NPAS3: variants seen among roughly 807,000 people sequenced by gnomAD.
NPAS3 encodes the protein neuronal PAS domain-containing protein 3.
Under a neutral mutation model 73.1 loss-of-function variants are expected in NPAS3, and 14 were observed. The observed-to-expected ratio is 0.19, with a 90% CI of 0.13 to 0.30. NPAS3 has a LOEUF of 0.30. Among genes scored for constraint, NPAS3 ranks in the 10% least tolerant of loss-of-function variants. NPAS3 has a pLI of 1.00. For missense variants in NPAS3, 1,096 were observed against 1,250.0 expected (o/e 0.88, Z 1.86); for synonymous variants, 620 against 541.5 (o/e 1.14, Z -2.01).
chr14:33,643,373 AT>A (rs150618153), intron 5 of NPAS3, among the ~76,000 whole-genome samples: 2 of 99,872 alleles, frequency 2.0e-5, no homozygotes, highest in African/African-American at 3.7e-5. Context: ...AGAAATAAAA[AT>A]TAAAAAAAAA....
At chr14:33,546,082 T>C (rs1177510402) in intron 4 of NPAS3, among the ~76,000 whole-genome samples, 1 of 152,114 alleles carries the variant, frequency 6.6e-6, no homozygotes, top group Non-Finnish European at 1.5e-5. Flanking sequence ...CTGCCACACC[T>C]CTTAGTGAGG....
intron 3 of NPAS3, among the ~76,000 whole-genome samples, chr14:33,226,951 T>C (rs2047659136): frequency 6.6e-6 from 1 of 152,220 alleles, no homozygotes; most frequent in Non-Finnish European, 1.5e-5. Context: ...TCTATAAAAA[T>C]AGATGAATAC....
At chr14:33,080,742 T>C (rs369934114) in intron 2 of NPAS3, among the ~76,000 whole-genome samples, 2 of 152,160 alleles carry the variant, frequency 1.3e-5, no homozygotes, top group Non-Finnish European at 2.9e-5. Flanking sequence ...CATTGTTGCG[T>C]GAAGTGTGAG....
intron 3 of NPAS3, among the ~76,000 whole-genome samples, chr14:33,271,726 T>A (rs1471287684): frequency 6.6e-6 from 1 of 152,202 alleles, no homozygotes; most frequent in Non-Finnish European, 1.5e-5. Context: ...AGTATTAGCA[T>A]AATTAAATTA....
Position 33,072,522 on chromosome 14 carries a change from G to A in NPAS3, c.140+16528G>A, listed in dbSNP as rs193284551. On this transcript the variant is annotated intron_variant, in intron 2 of 11. Coordinates refer to ENST00000356141, the Ensembl canonical transcript of NPAS3. ...AAGCTTTTGCCAGTTAAAGAACAGC[G>A]TGGGCTACTGTCCTTGCCTCTTTCC... Among the ~76,000 whole-genome samples, 1,128 of 152,210 alleles carry A rather than the reference G, an allele frequency of 7.4e-3. 7 individuals are homozygous for A. The highest frequency in any genetic ancestry group is 0.012 in the Non-Finnish European group (810 of 68,010).
intron 9 of NPAS3, among the ~76,000 whole-genome samples, chr14:33,790,814 G>A (rs1187267428): frequency 6.6e-6 from 1 of 152,092 alleles, no homozygotes. Flanking sequence ...GATTACAAGT[G>A]CACACCACCA....
chr14:33,250,705 CT>C (rs1015890580), intron 3 of NPAS3, among the ~76,000 whole-genome samples: 5 of 152,020 alleles, frequency 3.3e-5, no homozygotes, highest in East Asian at 1.9e-4. Context: ...GAATGATCCT[CT>C]TTTTTTCCTT....
At chr14:33,716,567 T>TCTAG (rs2060962954) in intron 6 of NPAS3, among the ~76,000 whole-genome samples, 1 of 152,192 alleles carries the variant, frequency 6.6e-6, no homozygotes, top group Non-Finnish European at 1.5e-5. Context: ...CACCCCTGTC[T>TCTAG]CTAGAACTTT....
chr14:33,063,563 TC>T (rs1442730217), intron 2 of NPAS3, among the ~76,000 whole-genome samples: 3 of 152,166 alleles, frequency 2.0e-5, no homozygotes, highest in African/African-American at 7.2e-5. Context: ...CCCATCCCCC[TC>T]CATTTTTGTA....
chr14:33,308,253 T>C (rs2042838754), intron 3 of NPAS3, among the ~76,000 whole-genome samples: 2 of 152,066 alleles, frequency 1.3e-5, no homozygotes, highest in Non-Finnish European at 2.9e-5. Flanking sequence ...ATACCGTACA[T>C]TACTGGTGTT....
chr14:33,662,306 C>T (rs1313637440), intron 5 of NPAS3, among the ~76,000 whole-genome samples: 1 of 152,192 alleles, frequency 6.6e-6, no homozygotes, highest in Non-Finnish European at 1.5e-5. Flanking sequence ...GCTCTTTCTG[C>T]CTGCCCTAGG....
intron 5 of NPAS3, among the ~76,000 whole-genome samples, chr14:33,659,704 C>T (rs1354562283): frequency 6.6e-6 from 1 of 151,882 alleles, no homozygotes; most frequent in African/African-American, 2.4e-5. Context: ...GAAACCATAC[C>T]TTTAATAATC....
chr14:33,350,186 C>T (rs993780791), intron 3 of NPAS3, among the ~76,000 whole-genome samples: 5 of 152,222 alleles, frequency 3.3e-5, no homozygotes, highest in Admixed American at 2.0e-4. Flanking sequence ...GAAATTACCT[C>T]GGGCCATTTC....
intron 2 of NPAS3, among the ~76,000 whole-genome samples, chr14:33,096,471 A>G (rs190328658): frequency 1.3e-5 from 2 of 152,316 alleles, no homozygotes; most frequent in East Asian, 3.9e-4. Flanking sequence ...TTTGGACACT[A>G]AAGAGAGGCA....
At chr14:33,299,031 A>G (rs1261326584) in intron 3 of NPAS3, among the ~76,000 whole-genome samples, 1 of 152,202 alleles carries the variant, frequency 6.6e-6, no homozygotes, top group African/African-American at 2.4e-5. Context: ...AGGTAAACGT[A>G]GCATTGTGAC....
At chr14:32,989,152 C>G (rs1186189315) in intron 1 of NPAS3, among the ~76,000 whole-genome samples, 1 of 152,092 alleles carries the variant, frequency 6.6e-6, no homozygotes, top group African/African-American at 2.4e-5. Flanking sequence ...ACTGTGGAGG[C>G]TCAGGAGTGG....
rs552304654 is a variant in NPAS3, at chr14:33,226,427, A to G, written c.385+11001A>G. On this transcript the variant is annotated intron_variant, in intron 3 of 11. Transcript: ENST00000356141. ...ATCATTAAAAATCATTAGAAATAAG[A>G]TGTTTGAGATCTGTGTATTTAGTGG... Among the ~76,000 whole-genome samples the G allele has an allele frequency of 8.5e-5, 13 of 152,326 alleles. No individual in the cohort carries two copies. In the South Asian group the frequency reaches 2.5e-3, roughly 29 times the overall value.
chr14:33,663,400 A>G (rs2059364965), intron 5 of NPAS3, among the ~76,000 whole-genome samples: 1 of 152,114 alleles, frequency 6.6e-6, no homozygotes, highest in South Asian at 2.1e-4. Context: ...CCAGCCTTGC[A>G]TCCCAGGGAT....
At position 33,451,275 on chromosome 14, in the gene NPAS3, C is replaced by T. The variant is rs1449460508; in HGVS notation, c.468+84007C>T. Among the ~76,000 whole-genome samples the T allele has an allele frequency of 5.9e-5, 9 of 152,268 alleles. No homozygotes were observed. In the East Asian group the frequency reaches 1.2e-3, roughly 20 times the overall value. On this transcript the variant is annotated intron_variant, in intron 4 of 11. Coordinates refer to ENST00000356141, the Ensembl canonical transcript of NPAS3. The stretch of plus-strand genomic sequence containing the variant: ...ATATTTCCCCTTATGTTAAACAATA[C>T]GGTACAGTGGTTAAAAAGTAGGTTC...
Sources: allele counts gnomAD v4.1 joint callset (sites outside exome capture counted in the v4.1 genomes callset), GRCh38; gene constraint gnomAD v4.1.1; transcripts MANE v1.5; gene names NCBI Gene and HGNC (gene_info 2026-07-23, HGNC 2026-07-21).